Variants in PDCD2L observed in about 807,000 individuals in gnomAD.
PDCD2L encodes uS5 assembly chaperone PDCD2L.
In PDCD2L, 44 loss-of-function variants were observed where a neutral mutation model predicts 40.4. The observed-to-expected ratio is 1.09, with a 90% confidence interval of 0.86 to 1.40. The LOEUF is 1.40. PDCD2L is among the 40% of genes most tolerant of loss of function. The pLI is 0.00. For synonymous variants in PDCD2L, 194 were observed against 174.6 expected, an observed-to-expected ratio of 1.11 and a Z score of -0.88; for missense variants, 470 against 453.7, an observed-to-expected ratio of 1.04 and a Z score of -0.33.
intron 3 of PDCD2L, 81 bp from the exon 4 acceptor site, chr19:34,409,080 C>T (rs1050551655): frequency 2.4e-5 from 31 of 1,314,016 alleles, no homozygotes; most frequent in African/African-American, 4.4e-5. Context: ...CTGGAAGGCG[C>T]GGCGGTGGGT....
At chr19:34,418,893 G>A (rs768162402) in intron 5 of PDCD2L, among the ~76,000 whole-genome samples, 4 of 152,098 alleles carry the variant, frequency 2.6e-5, no homozygotes, top group Non-Finnish European at 5.9e-5. Flanking sequence ...CATTTCAAGT[G>A]CTTGTTTTCC....
Position 34,409,142 on chromosome 19 carries a change from T to G in PDCD2L, c.337-19T>G, listed in dbSNP as rs747451449. On this transcript the variant is annotated intron_variant, in intron 3 of 6. Coordinates refer to ENST00000246535, the MANE Select transcript of PDCD2L (RefSeq NM_032346.2). ...CCTCCCAAATGTGCTCGGACCTCAT[T>G]CACTGAGTATTTTTCCAGAAACAGG... is the stretch of plus-strand genomic sequence containing the variant. 1 of 1,601,826 alleles carries G rather than the reference T, an allele frequency of 6.2e-7. No individual in the cohort carries two copies. The highest frequency in any genetic ancestry group is 8.5e-7 in the Non-Finnish European group (1 of 1,170,698).
In PDCD2L at chr19:34,421,832, G is replaced by GTAATCC. The variant is rs200992991; in HGVS notation, c.946+166_946+171dup. On this transcript the variant is annotated intron_variant, in intron 6 of 6. Coordinates refer to ENST00000246535, the MANE Select transcript of PDCD2L (RefSeq NM_032346.2). Reference sequence around the variant, plus strand: ...AGGCCAGGTGTGGTGGCTCATGCCTGTAATCCCAGCACTTTGGGAGGCCAA... The same window carrying GTAATCC: ...AGGCCAGGTGTGGTGGCTCATGCCTGTAATCCTAATCCCAGCACTTTGGGAGGCCAA... Among the ~76,000 whole-genome samples the GTAATCC allele has an allele frequency of 9.7e-3, 1,481 of 152,250 alleles. 28 individuals are homozygous for GTAATCC. Among genetic ancestry groups the GTAATCC allele is most frequent in the African/African-American group, 0.034 (1,420 of 41,548 alleles).
intron 3 of PDCD2L, among the ~76,000 whole-genome samples, chr19:34,406,826 CTTTTTTTTTTT>C (rs35175132): frequency 2.0e-5 from 2 of 102,248 alleles, no homozygotes; most frequent in African/African-American, 4.3e-5. Flanking sequence ...TTCTTTCTTC[CTTTTTTTTTTT>C]TTTTTTTTTT....
intron 6 of PDCD2L, among the ~76,000 whole-genome samples, chr19:34,423,466 G>C (rs2075162017): frequency 6.7e-6 from 1 of 149,772 alleles, no homozygotes; most frequent in Admixed American, 6.7e-5. Context: ...TTATAGGCAT[G>C]AGCCACCGTG....
Position 34,404,657 on chromosome 19 carries a change from G to A in PDCD2L, c.117G>A (p.Leu39=), listed in dbSNP as rs1478426931. The change falls in exon 2 of 7, where the codon CTG becomes CTA. Residue 39 remains leucine (L), a synonymous_variant. Transcript: ENST00000246535. The stretch of plus-strand genomic sequence containing the variant: ...CTCCTCTGTCCCCTCAGGATGCTCT[G>A]CCCACCGTGGCTGCGCCCAGGCCCG... ...ASKLGGIPDA[L]PTVAAPRPVC... is the part of the protein sequence containing the mutation. 6.2e-7 allele frequency: 1 copy of A among 1,610,920 alleles called. No homozygotes were observed. Among genetic ancestry groups the A allele is most frequent in the Non-Finnish European group, 8.5e-7 (1 of 1,179,610 alleles).
chr19:34,424,453 G>A (rs1032105153), intron 6 of PDCD2L, among the ~76,000 whole-genome samples: 1 of 152,152 alleles, frequency 6.6e-6, no homozygotes, highest in Admixed American at 6.6e-5. Flanking sequence ...GAGCAAGAAC[G>A]AAAGGAAGTA....
intron 3 of PDCD2L, among the ~76,000 whole-genome samples, chr19:34,408,787 T>C (rs890680356): frequency 2.0e-5 from 3 of 152,206 alleles, no homozygotes; most frequent in African/African-American, 7.2e-5. Context: ...CATGTTTCTC[T>C]CTAGTAGACC....
In PDCD2L at chr19:34,409,078, C is replaced by T. The variant is rs920316398; in HGVS notation, c.337-83C>T. On this transcript the variant is annotated intron_variant, in intron 3 of 6. Transcript: ENST00000246535. ...TGGTGTGAAGGCTCCCTCTGGAAGG[C>T]GCGGCGGTGGGTGGCTGGAGCCGAA... 4.8e-5 allele frequency: 61 copies of T among 1,273,150 alleles called. No individual in the cohort carries two copies. In the African/African-American group the frequency reaches 5.7e-4, roughly 12 times the overall value. 78.9% of individuals were successfully genotyped at this position (1,273,150 alleles called of 1,614,324 possible). A position where few individuals can be genotyped will look rare whatever the true frequency, so the allele number is the denominator to read the frequency against.
intron 5 of PDCD2L, among the ~76,000 whole-genome samples, chr19:34,415,235 C>T (rs2075121911): frequency 6.6e-6 from 1 of 152,150 alleles, no homozygotes; most frequent in Admixed American, 6.5e-5. Flanking sequence ...TCTCCTGCCT[C>T]AGCCTCCCGA....
intron 5 of PDCD2L, among the ~76,000 whole-genome samples, chr19:34,420,705 T>C (rs2075146612): frequency 6.6e-6 from 1 of 151,752 alleles, no homozygotes; most frequent in African/African-American, 2.4e-5. Flanking sequence ...GGTAAGAGGA[T>C]TGCTTGAGCC....
In PDCD2L at chr19:34,413,749, T is replaced by C; in HGVS notation, c.699T>C (p.Asp233=). Residue 233 remains aspartate (D), a synonymous_variant, in exon 5 of 7, where the codon GAT becomes GAC. Transcript: ENST00000246535. ...DQLLSQSLPN[D]GDEKYEKTII... ...CTTCTGTTTTTAGCCTTCCTAATGA[T>C]GGTGATGAAAAATATGAGAAGACCA... The C allele has an allele frequency of 3.2e-6, 5 of 1,579,556 alleles. No homozygotes were observed. The highest frequency in any genetic ancestry group is 4.3e-6 in the Non-Finnish European group (5 of 1,153,306).
In PDCD2L at chr19:34,421,733, CT is replaced by C; in HGVS notation, c.946+70del. ...CATTATTTTTAAATAAATGAAAAAC[CT>C]TTTGTTTACTTATAAAATATCATAA... On this transcript the variant is annotated intron_variant, in intron 6 of 6. Coordinates refer to ENST00000246535, the MANE Select transcript of PDCD2L (RefSeq NM_032346.2). The C allele has an allele frequency of 4.0e-6, 6 of 1,489,704 alleles. 1 individual carries two copies. The South Asian group carries it at 7.8e-5, about 19-fold the overall frequency. 92.3% of individuals were successfully genotyped at this position (1,489,704 alleles called of 1,614,324 possible). A position where few individuals can be genotyped will look rare whatever the true frequency, so the allele number is the denominator to read the frequency against.
chr19:34,415,333 C>T (rs985678358), intron 5 of PDCD2L, among the ~76,000 whole-genome samples: 4 of 152,044 alleles, frequency 2.6e-5, no homozygotes, highest in Admixed American at 6.6e-5. Flanking sequence ...AGGCTGGTAT[C>T]GAACTCCTGA....
Position 34,413,792 on chromosome 19 carries a change from C to T in PDCD2L, c.742C>T (p.Gln248Ter). 6.2e-7 allele frequency: 1 copy of T among 1,609,092 alleles called. No homozygotes were observed. Among genetic ancestry groups the T allele is most frequent in the Non-Finnish European group, 8.5e-7 (1 of 1,176,980 alleles). The change falls in exon 5 of 7, where the codon CAG (glutamine) becomes TAG (stop). Residue 248 changes from glutamine (Q) to a stop codon, truncating the protein, a stop_gained. Transcript: ENST00000246535. LOFTEE classifies it high-confidence loss of function. ...YEKTIIKSGD[Q>*]TFYKFMKRIA... ...GAAGACCATAATTAAAAGTGGAGAT[C>T]AGACGTTTTACAAATTCATGAAGCG...
At chr19:34,424,107 G>A (rs562101434) in intron 6 of PDCD2L, among the ~76,000 whole-genome samples, 1 of 151,852 alleles carries the variant, frequency 6.6e-6, no homozygotes, top group East Asian at 1.9e-4. Flanking sequence ...CCTTTGCCCT[G>A]GTGCCTCCTG....
At chr19:34,407,202 C>T (rs977989183) in intron 3 of PDCD2L, among the ~76,000 whole-genome samples, 1 of 151,172 alleles carries the variant, frequency 6.6e-6, no homozygotes, top group Non-Finnish European at 1.5e-5. Flanking sequence ...AGTGCAGTAG[C>T]ACAATCTTGG....
intron 6 of PDCD2L, among the ~76,000 whole-genome samples, chr19:34,422,840 C>G (rs538256902): frequency 6.6e-6 from 1 of 151,792 alleles, no homozygotes; most frequent in African/African-American, 2.4e-5. Context: ...CTCAGCCTCC[C>G]AAGGAGCTGG....
At chr19:34,416,763 C>G (rs2075128000) in intron 5 of PDCD2L, among the ~76,000 whole-genome samples, 1 of 152,014 alleles carries the variant, frequency 6.6e-6, no homozygotes, top group Non-Finnish European at 1.5e-5. Flanking sequence ...CATACTGTGG[C>G]AAGAACAGTT....
Sources: gnomAD v4.1 joint callset for allele counts (sites outside exome capture counted in the v4.1 genomes callset) on GRCh38, gnomAD v4.1.1 for gene constraint, MANE v1.5 for transcripts, NCBI Gene and HGNC (gene_info 2026-07-23, HGNC 2026-07-21) for gene names.